DLG2: variants seen among roughly 807,000 people sequenced by gnomAD.
DLG2 encodes discs large MAGUK scaffold protein 2.
In DLG2, 45 loss-of-function variants were observed where a neutral mutation model predicts 132.5. That is an observed-to-expected ratio of 0.34 (90% CI 0.27 to 0.44). DLG2 has a LOEUF of 0.44. Among genes scored for constraint, DLG2 ranks in the 20% least tolerant of loss-of-function variants. The pLI is 1.00. For synonymous variants in DLG2, 424 were observed against 419.6 expected (o/e 1.01, Z -0.13); for missense variants, 1,045 against 1,196.9 (o/e 0.87, Z 1.87).
chr11:84,494,995 CAT>C (rs1417087524), intron 7 of DLG2, among the ~76,000 whole-genome samples: 1 of 152,108 alleles, frequency 6.6e-6, no homozygotes, highest in Non-Finnish European at 1.5e-5. Flanking sequence ...TGGGAAATGA[CAT>C]AGAGACAGAA....
At chr11:85,532,769 G>A (rs2075296580) in intron 3 of DLG2, among the ~76,000 whole-genome samples, 1 of 152,164 alleles carries the variant, frequency 6.6e-6, no homozygotes, top group Non-Finnish European at 1.5e-5. Flanking sequence ...CCATAGAAAA[G>A]GCTCTGAGTA....
intron 18 of DLG2, among the ~76,000 whole-genome samples, chr11:83,696,138 G>A (rs1321323161): frequency 1.3e-5 from 2 of 152,158 alleles, no homozygotes; most frequent in Non-Finnish European, 2.9e-5. Context: ...GAGGCTGGGA[G>A]CATAGAGAAC....
intron 8 of DLG2, among the ~76,000 whole-genome samples, chr11:84,207,059 ATCTC>A (rs35772503): frequency 0.038 from 5,493 of 145,560 alleles, 324 homozygotes; most frequent in African/African-American, 0.13. Flanking sequence ...ATAAGAATAA[ATCTC>A]TCTCTCTCTC....
chr11:83,715,885 C>T (rs1592981918), intron 18 of DLG2, among the ~76,000 whole-genome samples: 1 of 152,168 alleles, frequency 6.6e-6, no homozygotes, highest in East Asian at 1.9e-4. Context: ...CACACCTCAG[C>T]TTTGACATTT....
chr11:84,527,382 G>GT (rs1285819966), intron 7 of DLG2, among the ~76,000 whole-genome samples: 2 of 152,228 alleles, frequency 1.3e-5, no homozygotes, highest in East Asian at 1.9e-4. Flanking sequence ...TTTGTCTATA[G>GT]TTTTTTTATT....
intron 4 of DLG2, among the ~76,000 whole-genome samples, chr11:85,243,569 C>T (rs1464849239): frequency 6.6e-6 from 1 of 151,928 alleles, no homozygotes; most frequent in Non-Finnish European, 1.5e-5. Flanking sequence ...CTTAAGCTTT[C>T]TAGTTTTCAG....
intron 6 of DLG2, among the ~76,000 whole-genome samples, chr11:84,715,951 G>A (rs1277225581): frequency 6.6e-6 from 1 of 152,048 alleles, no homozygotes; most frequent in East Asian, 1.9e-4. Flanking sequence ...TAGGTTATAT[G>A]GTAATTCTAT....
intron 3 of DLG2, among the ~76,000 whole-genome samples, chr11:85,596,715 ATATTT>A: frequency 6.6e-6 from 1 of 152,316 alleles, no homozygotes; most frequent in South Asian, 2.1e-4. Context: ...ACAATGCGCT[ATATTT>A]CAATGGCTCC....
chr11:84,043,899 A>G (rs2096170465), intron 11 of DLG2, among the ~76,000 whole-genome samples: 1 of 151,602 alleles, frequency 6.6e-6, no homozygotes, highest in Admixed American at 6.6e-5. Flanking sequence ...TTTGTATTTC[A>G]GCACTTTTTA....
At chr11:84,395,863 G>C (rs1212073362) in intron 7 of DLG2, among the ~76,000 whole-genome samples, 1 of 152,220 alleles carries the variant, frequency 6.6e-6, no homozygotes, top group African/African-American at 2.4e-5. Context: ...CAAAGGGATG[G>C]TTGGTCCAAG....
At chr11:83,753,861 T>TG (rs1223622305) in intron 18 of DLG2, among the ~76,000 whole-genome samples, 342 of 6,224 alleles carry the variant, frequency 0.055, 32 homozygotes, top group African/African-American at 0.28. Flanking sequence ...ATCATATATA[T>TG]ATTTCATATA....
intron 3 of DLG2, among the ~76,000 whole-genome samples, chr11:85,422,519 T>C (rs993576787): frequency 7.1e-6 from 1 of 141,748 alleles, no homozygotes; most frequent in Non-Finnish European, 1.5e-5. Flanking sequence ...ACTGTGTCCA[T>C]TGTTTCCTGA....
chr11:84,413,888 T>C (rs1157499006), intron 7 of DLG2, among the ~76,000 whole-genome samples: 2 of 152,180 alleles, frequency 1.3e-5, no homozygotes, highest in Non-Finnish European at 2.9e-5. Context: ...AGGAGGAAAC[T>C]AGCTGAGAGC....
rs559459023 is a variant in DLG2 at position 85,418,276 on chromosome 11, G to A, written c.41-132911C>T. 8.5e-5 allele frequency among the ~76,000 whole-genome samples: 13 copies of A among 152,282 alleles called. 1 individual carries two copies. The highest frequency in any genetic ancestry group is 2.9e-4 in the African/African-American group (12 of 41,558). ...TTTTGAGAGAGTTTCTTAATTCTGAGTTCTAATTTGATTGCACTGTGGTCT... is the reference window on the plus strand; with the variant it reads ...TTTTGAGAGAGTTTCTTAATTCTGAATTCTAATTTGATTGCACTGTGGTCT... On this transcript the variant is annotated intron_variant, in intron 3 of 27. Coordinates refer to ENST00000376104, the MANE Select transcript of DLG2 (RefSeq NM_001142699.3).
chr11:84,640,166 T>C (rs2099654768), intron 6 of DLG2: 1 of 267,780 alleles, frequency 3.7e-6, no homozygotes, highest in Non-Finnish European at 7.2e-6. Context: ...GGTTGACAAA[T>C]GGAGAAACAG....
Position 85,572,911 on chromosome 11 carries a change from C to A in DLG2, c.40+25746G>T, listed in dbSNP as rs1176591006. On this transcript the variant is annotated intron_variant, in intron 3 of 27. Transcript: ENST00000376104. ...TAATCCTCAATGTTGGAGGTAGGGA[C>A]TGATGGAAGGTATTTGGATCATGGG... is the stretch of plus-strand genomic sequence containing the variant. Among the ~76,000 whole-genome samples, 2 of 152,196 alleles carry A rather than the reference C, an allele frequency of 1.3e-5. 1 individual carries two copies. The highest frequency in any genetic ancestry group is 4.8e-5 in the African/African-American group (2 of 41,454).
intron 6 of DLG2, among the ~76,000 whole-genome samples, chr11:84,991,151 C>G (rs2057053134): frequency 1.3e-5 from 2 of 151,848 alleles, no homozygotes; most frequent in African/African-American, 4.8e-5. Context: ...ATTTGAAAAA[C>G]AAAATTACAG....
chr11:83,999,292 T>A (rs998249073), intron 11 of DLG2, among the ~76,000 whole-genome samples: 1 of 152,172 alleles, frequency 6.6e-6, no homozygotes, highest in African/African-American at 2.4e-5. Flanking sequence ...GTGCTTGAGA[T>A]TGGGTCTACC....
At chr11:83,666,239 T>C (rs1026067810) in intron 18 of DLG2, among the ~76,000 whole-genome samples, 1 of 152,200 alleles carries the variant, frequency 6.6e-6, no homozygotes, top group Non-Finnish European at 1.5e-5. Context: ...TTGTTGTTCT[T>C]ATCCCTTGAA....
Sources: gnomAD v4.1 joint callset for allele counts (sites outside exome capture counted in the v4.1 genomes callset) on GRCh38, gnomAD v4.1.1 for gene constraint, MANE v1.5 for transcripts, NCBI Gene and HGNC (gene_info 2026-07-23, HGNC 2026-07-21) for gene names.